The following ABCG2 variants were observed in gnomAD, a reference collection of about 807,000 sequenced individuals.
ABCG2 encodes the protein ATP binding cassette subfamily G member 2 (JR blood group).
Under a neutral mutation model 73.5 loss-of-function variants are expected in ABCG2, and 80 were observed. That is an observed-to-expected ratio of 1.09 (90% CI 0.91 to 1.31). The LOEUF (loss-of-function observed/expected upper bound fraction) is 1.31. ABCG2 is among the 50% of genes most tolerant of loss of function. ABCG2 has a pLI of 0.00. For missense variants in ABCG2, 796 were observed against 786.2 expected (o/e 1.01, Z -0.15); for synonymous variants, 269 against 282.4 (o/e 0.95, Z 0.48).
chr4:88,136,689 AC>A (rs1725268469), intron 2 of ABCG2, among the ~76,000 whole-genome samples: 2 of 151,780 alleles, frequency 1.3e-5, no homozygotes, highest in South Asian at 2.1e-4. Flanking sequence ...CTGGGCAACA[AC>A]GTAAGACCTT....
intron 1 of ABCG2, among the ~76,000 whole-genome samples, chr4:88,201,483 T>G (rs910588710): frequency 6.6e-6 from 1 of 152,194 alleles, no homozygotes; most frequent in African/African-American, 2.4e-5. Flanking sequence ...TTTTAAAAAT[T>G]GAATCAATAA....
At chr4:88,140,758 C>A (rs2725252) in intron 1 of ABCG2, among the ~76,000 whole-genome samples, 69,944 of 151,902 alleles carry the variant, frequency 0.46, 16,867 homozygotes, top group Non-Finnish European at 0.55. Context: ...GACTTTATGT[C>A]GGAAGTTGTT....
chr4:88,156,987 A>C (rs1275719982), intron 1 of ABCG2, among the ~76,000 whole-genome samples: 1 of 152,200 alleles, frequency 6.6e-6, no homozygotes, highest in Non-Finnish European at 1.5e-5. Context: ...CTATAATCCC[A>C]GCTACTCAGG....
Position 88,102,544 on chromosome 4 carries a change from T to C in ABCG2, c.1278-1225A>G, listed in dbSNP as rs574222221. ...CTGGGACGTGGAGGTTGCAGTGAGCTGAGATCGCGCCACTGCACTCCAGCC... is the reference window on the plus strand; with the variant it reads ...CTGGGACGTGGAGGTTGCAGTGAGCCGAGATCGCGCCACTGCACTCCAGCC... On this transcript the variant is annotated intron_variant, in intron 10 of 15. Transcript: ENST00000237612. Among the ~76,000 whole-genome samples the C allele has an allele frequency of 2.0e-3, 301 of 149,924 alleles. 3 individuals carry two copies. In the Middle Eastern group the frequency reaches 0.034, roughly 17 times the overall value.
rs1560684387 is a variant in ABCG2 at position 88,121,773 on chromosome 4, C to CATTTA, written c.550_551insTAAAT (p.Arg184LeufsTer15). On this transcript the variant is annotated frameshift_variant, in exon 6 of 16. Transcript: ENST00000237612. LOFTEE classifies it high-confidence loss of function. ...TTTTCTTTCTCCTCCAGACACACCA[C>CATTTA]GGATAAACTGAGTTCCAACCTAAAT... The CATTTA allele has an allele frequency of 3.1e-6, 5 of 1,612,804 alleles. No individual in the cohort carries two copies. The highest frequency in any genetic ancestry group is 4.2e-6 in the Non-Finnish European group (5 of 1,179,606).
chr4:88,205,409 A>C (rs1182385831), intron 1 of ABCG2, among the ~76,000 whole-genome samples: 1 of 152,216 alleles, frequency 6.6e-6, no homozygotes, highest in Non-Finnish European at 1.5e-5. Flanking sequence ...GTAGGGATCT[A>C]AACTTTTCTT....
rs118159145 is a variant in ABCG2 at position 88,181,266 on chromosome 4, G to C, written c.-19-41252C>G. 8.3e-4 allele frequency among the ~76,000 whole-genome samples: 126 copies of C among 151,982 alleles called. 3 individuals are homozygous for C. The East Asian group carries it at 0.02, about 24-fold the overall frequency. On this transcript the variant is annotated intron_variant, in intron 1 of 15. Coordinates refer to the ABCG2 transcript ENST00000515655. ...AATACAAAAACTAGACGAGCATGGT[G>C]GTGCGTGCCTGTAATCCTAGCTACT...
intron 1 of ABCG2, among the ~76,000 whole-genome samples, chr4:88,229,658 C>G (rs1304295332): frequency 2.0e-5 from 3 of 152,082 alleles, no homozygotes; most frequent in Non-Finnish European, 4.4e-5. Context: ...TCCTGGCCAC[C>G]ATTCTCCTTT....
intron 1 of ABCG2, among the ~76,000 whole-genome samples, chr4:88,229,141 A>G (rs1392726707): frequency 6.6e-6 from 1 of 152,078 alleles, no homozygotes; most frequent in Non-Finnish European, 1.5e-5. Flanking sequence ...GGTCCGCACT[A>G]CCTTTGTGAG....
intron 1 of ABCG2, among the ~76,000 whole-genome samples, chr4:88,142,930 A>G (rs1725739967): frequency 6.6e-6 from 1 of 152,192 alleles, no homozygotes; most frequent in Non-Finnish European, 1.5e-5. Context: ...CCTGGGTAAC[A>G]GAGTAATACC....
intron 1 of ABCG2, among the ~76,000 whole-genome samples, chr4:88,220,153 TCA>T (rs1729964247): frequency 6.6e-6 from 1 of 152,240 alleles, no homozygotes; most frequent in South Asian, 2.1e-4. Flanking sequence ...GTCAGAATTT[TCA>T]TCCCTTTTGA....
rs372769714 is a variant in ABCG2 at position 88,115,254 on chromosome 4, C to A, written c.842-196G>T. Among the ~76,000 whole-genome samples, 40 of 77,874 alleles carry A rather than the reference C, an allele frequency of 5.1e-4. 1 individual carries two copies. Among genetic ancestry groups the A allele is most frequent in the African/African-American group, 1.8e-3 (40 of 22,014 alleles). 51.1% of individuals were successfully genotyped at this position (77,874 alleles called of 152,430 possible). On this transcript the variant is annotated intron_variant, in intron 7 of 15. Transcript: ENST00000237612. ...TCAGTCTCTCTCTCTCTCTCTCTCTCTCTATATATATATATATATATATAT... is the reference window on the plus strand; with the variant it reads ...TCAGTCTCTCTCTCTCTCTCTCTCTATCTATATATATATATATATATATAT...
chr4:88,211,311 T>C (rs183172700), intron 1 of ABCG2, among the ~76,000 whole-genome samples: 2 of 145,844 alleles, frequency 1.4e-5, no homozygotes, highest in Non-Finnish European at 3.0e-5. Flanking sequence ...GTGTACCCAA[T>C]GTCCAAATAG....
At chr4:88,095,795 T>A (rs986630434) in intron 13 of ABCG2, among the ~76,000 whole-genome samples, 186 bp from the exon 14 acceptor site, 2 of 152,238 alleles carry the variant, frequency 1.3e-5, no homozygotes, top group African/African-American at 2.4e-5. Flanking sequence ...CACATCTCTA[T>A]ATAGCTGAAG....
chr4:88,186,287 C>T (rs1416591837), intron 1 of ABCG2, among the ~76,000 whole-genome samples: 1 of 152,196 alleles, frequency 6.6e-6, no homozygotes, highest in Non-Finnish European at 1.5e-5. Flanking sequence ...CATGTTCTCA[C>T]TTGTTTGCAT....
At chr4:88,189,130 C>A (rs1314857835) in intron 1 of ABCG2, among the ~76,000 whole-genome samples, 1 of 152,148 alleles carries the variant, frequency 6.6e-6, no homozygotes, top group South Asian at 2.1e-4. Flanking sequence ...TTGCAGTACA[C>A]AAATCTTGCA....
At chr4:88,202,898 T>A (rs750780527) in intron 1 of ABCG2, among the ~76,000 whole-genome samples, 1 of 152,164 alleles carries the variant, frequency 6.6e-6, no homozygotes, top group Non-Finnish European at 1.5e-5. Context: ...TTCGAGAGAT[T>A]ATATTTTTAG....
intron 9 of ABCG2, among the ~76,000 whole-genome samples, chr4:88,108,156 T>G (rs1354398780): frequency 2.4e-3 from 1 of 422 alleles, no homozygotes; most frequent in East Asian, 0.062. Context: ...AAAGGGTTAA[T>G]TTAAGGGTTA....
intron 1 of ABCG2, chr4:88,226,810 G>A (rs1028559079): frequency 6.6e-6 from 1 of 152,350 alleles, no homozygotes; most frequent in Non-Finnish European, 1.5e-5. Flanking sequence ...ACGCAAATTC[G>A]TGAAGCATTT....
Sources: gnomAD v4.1 joint callset for allele counts (sites outside exome capture counted in the v4.1 genomes callset) on GRCh38, gnomAD v4.1.1 for gene constraint, MANE v1.5 for transcripts, NCBI Gene and HGNC (gene_info 2026-07-23, HGNC 2026-07-21) for gene names.